The following PRKCQ variants were observed in gnomAD, a reference collection of about 807,000 sequenced individuals.
PRKCQ encodes protein kinase C theta, also known as protein kinase C theta type.
Under a neutral mutation model 91.2 loss-of-function variants are expected in PRKCQ, and 41 were observed. The observed-to-expected ratio is 0.45, with a 90% CI of 0.35 to 0.58. The LOEUF (loss-of-function observed/expected upper bound fraction) is 0.58, where lower values mean the gene tolerates loss of function less well. Among genes scored for constraint, PRKCQ ranks in the 20% least tolerant of loss-of-function variants. The pLI is 0.00. For synonymous variants in PRKCQ, 307 were observed against 316.9 expected (o/e 0.97, Z 0.33); for missense variants, 673 against 896.5 (o/e 0.75, Z 3.18).
At chr10:6,412,561 T>C in the PRKCQ span, among the ~76,000 whole-genome samples, 3 of 152,282 alleles carry the variant, frequency 2.0e-5, no homozygotes, top group East Asian at 1.9e-4. Context: ...CAATAGATCA[T>C]AACAGGTGAT....
In PRKCQ at chr10:6,464,333, C is replaced by A. The variant is rs532831191; in HGVS notation, c.1425G>T (p.Lys475Asn). ...CTTACGTCGCTCTGGAAAGGTCGAA[C>A]TTGTGGCAGCTTTGGATGTGGTACA... ...DLMYHIQSCH[K>N]FDLSRATFYA... is the part of the protein sequence containing the mutation. Residue 475 changes from lysine (K) to asparagine (N), a missense_variant, in exon 13 of 18, where the codon AAG becomes AAT. By Grantham distance (94) the Lys-to-Asn change is moderately conservative. Coordinates refer to ENST00000263125, the MANE Select transcript of PRKCQ (RefSeq NM_006257.5). 1 of 1,613,970 alleles carries A rather than the reference C, an allele frequency of 6.2e-7. No individual in the cohort carries two copies. The highest frequency in any genetic ancestry group is 8.5e-7 in the Non-Finnish European group (1 of 1,179,956).
intron 13 of PRKCQ, among the ~76,000 whole-genome samples, chr10:6,463,332 C>A (rs1040927168): frequency 6.6e-6 from 1 of 152,150 alleles, no homozygotes; most frequent in African/African-American, 2.4e-5. Context: ...TGGAAGAATG[C>A]AAAATTCTCC....
intron 1 of PRKCQ, among the ~76,000 whole-genome samples, chr10:6,577,350 A>C (rs1006990726): frequency 1.3e-5 from 2 of 152,248 alleles, no homozygotes; most frequent in African/African-American, 4.8e-5. Context: ...CTCTGGTTCA[A>C]CATCACATTT....
intron 17 of PRKCQ, among the ~76,000 whole-genome samples, chr10:6,428,743 G>A (rs1833256533): frequency 6.6e-6 from 1 of 152,158 alleles, no homozygotes; most frequent in Admixed American, 6.5e-5. Flanking sequence ...GAGGGTGGTG[G>A]GGAGAGGGAG....
chr10:6,408,578 C>T, the PRKCQ span, among the ~76,000 whole-genome samples: 3 of 152,314 alleles, frequency 2.0e-5, no homozygotes, highest in Non-Finnish European at 4.4e-5. Flanking sequence ...TGGTCTTGAA[C>T]CCCTGACTTC....
chr10:6,491,951 T>C lies in PRKCQ; in HGVS notation c.661-139A>G, dbSNP rs1837329469. 31 of 1,290,398 alleles carry C rather than the reference T, an allele frequency of 2.4e-5. 1 individual carries two copies. The South Asian group carries it at 3.6e-4, about 15-fold the overall frequency. The allele number at this position is 1,290,398 out of a possible 1,614,324, so 79.9% of individuals were successfully genotyped here. A position where few individuals can be genotyped will look rare whatever the true frequency, so the allele number is the denominator to read the frequency against. On this transcript the variant is annotated intron_variant, in intron 7 of 17. Coordinates refer to ENST00000263125, the MANE Select transcript of PRKCQ (RefSeq NM_006257.5). Reference sequence around the variant, plus strand: ...GTGCATTTTAAACCATCATTGTCACTTGTCAAGCCCTACAGTCATGCCTGA... The same window carrying C: ...GTGCATTTTAAACCATCATTGTCACCTGTCAAGCCCTACAGTCATGCCTGA...
chr10:6,435,692 T>C (rs1464438734), intron 16 of PRKCQ, among the ~76,000 whole-genome samples: 3 of 152,132 alleles, frequency 2.0e-5, no homozygotes, highest in Non-Finnish European at 2.9e-5. Flanking sequence ...ACACTAACAA[T>C]AGCTGATGAA....
chr10:6,526,147 C>T lies in PRKCQ; in HGVS notation c.-9-11003G>A, dbSNP rs188854807. Among the ~76,000 whole-genome samples, 4 of 152,312 alleles carry T rather than the reference C, an allele frequency of 2.6e-5. No homozygotes were observed. In the East Asian group the frequency reaches 7.7e-4, roughly 29 times the overall value. ...ATTTGAAATGCTAAACAATGTTCCA[C>T]AATTGGAAAAATGGCTGTCCAAATC... On this transcript the variant is annotated intron_variant, in intron 1 of 17. Transcript: ENST00000263125.
chr10:6,566,560 G>A (rs1212951268), intron 1 of PRKCQ, among the ~76,000 whole-genome samples: 3 of 152,170 alleles, frequency 2.0e-5, no homozygotes, highest in East Asian at 1.9e-4. Flanking sequence ...AGGTGAGCAT[G>A]ACCCTGGCAG....
At chr10:6,446,675 T>G (rs1834324173) in intron 15 of PRKCQ, among the ~76,000 whole-genome samples, 1 of 151,994 alleles carries the variant, frequency 6.6e-6, no homozygotes, top group Non-Finnish European at 1.5e-5. Context: ...CCATGCCCAA[T>G]TTTTAAAGAG....
intron 1 of PRKCQ, among the ~76,000 whole-genome samples, chr10:6,570,945 G>T (rs536084550): frequency 2.0e-5 from 3 of 152,164 alleles, no homozygotes; most frequent in African/African-American, 7.2e-5. Context: ...TGATCCCCAG[G>T]TGGGGGCAGT....
chr10:6,404,750 CCCTT>C, the PRKCQ span, among the ~76,000 whole-genome samples: 13,425 of 143,064 alleles, frequency 0.094, 2,186 homozygotes, highest in African/African-American at 0.34. Flanking sequence ...TTCCTCCCTT[CCCTT>C]CCTTCCTTCC....
At chr10:6,580,273 GACTGCGCGGGGA>G (rs1841424277) in exon 1 of PRKCQ, 1 of 59,156 alleles carries the variant, frequency 1.7e-5, no homozygotes, top group Non-Finnish European at 5.7e-5. Flanking sequence ...ACTGCGCGGG[GACTGCGCGGGGA>G]CTGGCGGGGC....
chr10:6,418,902 TC>T, the PRKCQ span, among the ~76,000 whole-genome samples: 2 of 62,494 alleles, frequency 3.2e-5, no homozygotes, highest in Non-Finnish European at 5.1e-5. Flanking sequence ...CATCTATTAC[TC>T]ATCCATCCAT....
chr10:6,426,183 C>G (rs1209870763), downstream of PRKCQ, among the ~76,000 whole-genome samples: 2 of 151,338 alleles, frequency 1.3e-5, no homozygotes, highest in African/African-American at 2.4e-5. Context: ...TTCACCAACC[C>G]CATTGCTCTA....
chr10:6,397,610 T>C, the PRKCQ span, among the ~76,000 whole-genome samples: 2 of 152,198 alleles, frequency 1.3e-5, no homozygotes, highest in African/African-American at 4.8e-5. Context: ...CTAGCTTCCA[T>C]ATTTGTGATA....
chr10:6,497,144 G>C lies in PRKCQ; in HGVS notation c.575-24C>G. 1.2e-6 allele frequency: 2 copies of C among 1,613,466 alleles called. No individual in the cohort carries two copies. Among genetic ancestry groups the C allele is most frequent in the Non-Finnish European group, 8.5e-7 (1 of 1,179,430 alleles). On this transcript the variant is annotated intron_variant, in intron 6 of 17. Transcript: ENST00000263125. The surrounding 1 kb of genome is among the most constrained non-coding windows in gnomAD (Gnocchi z 4.5). Reference sequence around the variant, plus strand: ...TTCTGAAAAGAAGAAAAAAATCACAGCTTAAGATTTTCATAGCCTAAGGAA... The same window carrying C: ...TTCTGAAAAGAAGAAAAAAATCACACCTTAAGATTTTCATAGCCTAAGGAA...
the PRKCQ span, among the ~76,000 whole-genome samples, chr10:6,418,118 AAAT>A: frequency 6.6e-6 from 1 of 152,220 alleles, no homozygotes; most frequent in South Asian, 2.1e-4. Flanking sequence ...GACTTTTTCC[AAAT>A]AACAACATCC....
At chr10:6,448,109 A>G (rs1834425152) in intron 15 of PRKCQ, among the ~76,000 whole-genome samples, 1 of 152,212 alleles carries the variant, frequency 6.6e-6, no homozygotes, top group South Asian at 2.1e-4. Flanking sequence ...TGGGGAATTC[A>G]GTATACACTT....
Sources: allele counts gnomAD v4.1 joint callset (sites outside exome capture counted in the v4.1 genomes callset), GRCh38; gene constraint gnomAD v4.1.1; non-coding constraint Gnocchi (gnomAD v3.1); transcripts MANE v1.5; gene names NCBI Gene and HGNC (gene_info 2026-07-23, HGNC 2026-07-21).